The following NEXN variants were observed in gnomAD, a reference collection of about 807,000 sequenced individuals.
The protein encoded by NEXN is nexilin F-actin binding protein, also known as nexilin.
NEXN carries 65 observed loss-of-function variants against 92.6 expected under a neutral mutation model. The observed-to-expected ratio is 0.70, with a 90% CI of 0.57 to 0.86. The LOEUF is 0.86. Among genes scored for constraint, NEXN ranks in the 40% least tolerant of loss-of-function variants. The pLI is 0.00. For synonymous variants in NEXN, 254 were observed against 242.5 expected (o/e 1.05, Z -0.44); for missense variants, 778 against 771.1 (o/e 1.01, Z -0.11).
intron 11 of NEXN, among the ~76,000 whole-genome samples, chr1:77,938,080 A>C (rs373339401): frequency 1.4e-4 from 21 of 152,256 alleles, no homozygotes; most frequent in African/African-American, 3.1e-4. Flanking sequence ...CAGTAACAAT[A>C]CGGGAAACCA....
chr1:77,895,346 C>T (rs1467554624), intron 1 of NEXN, among the ~76,000 whole-genome samples: 1 of 151,780 alleles, frequency 6.6e-6, no homozygotes, highest in East Asian at 1.9e-4. Context: ...CGCCCGGTCA[C>T]CTATAGTGTA....
At chr1:77,892,410 A>C (rs1647129744) in intron 1 of NEXN, among the ~76,000 whole-genome samples, 1 of 152,210 alleles carries the variant, frequency 6.6e-6, no homozygotes, top group South Asian at 2.1e-4. Context: ...CAGGCAGGTC[A>C]CATGCTCTGC....
chr1:77,905,882 A>G (rs1648073305), intron 1 of NEXN, among the ~76,000 whole-genome samples: 2 of 152,212 alleles, frequency 1.3e-5, no homozygotes, highest in South Asian at 4.1e-4. Context: ...TGAGGGAGCC[A>G]GCTCTGCAAA....
chr1:77,920,049 C>A (rs1571119185), intron 5 of NEXN, among the ~76,000 whole-genome samples: 1 of 151,892 alleles, frequency 6.6e-6, no homozygotes, highest in African/African-American at 2.4e-5. Flanking sequence ...AAGGCACATG[C>A]CACCACTCCC....
Position 77,911,742 on chromosome 1 carries a change from TA to T in NEXN, c.-52-4312del, listed in dbSNP as rs1553235687. Among the ~76,000 whole-genome samples the T allele has an allele frequency of 1.7e-3, 19 of 10,900 alleles. No homozygotes were observed. The East Asian group carries it at 0.072, about 41-fold the overall frequency. The allele number at this position is 10,900 out of a possible 152,430, so 7.2% of individuals were successfully genotyped here. Reference sequence around the variant, plus strand: ...CCTATCCCCAAGATAGCCTGTTTTATATATATATATATATATATACACATAT... The same window carrying T: ...CCTATCCCCAAGATAGCCTGTTTTATTATATATATATATATATACACATAT... On this transcript the variant is annotated intron_variant, in intron 1 of 12. Transcript: ENST00000334785.
rs1192337156 is a variant in NEXN, at chr1:77,916,092, C to T, written c.-15C>T. 1 of 1,603,390 alleles carries T rather than the reference C, an allele frequency of 6.2e-7. No individual in the cohort carries two copies. Among genetic ancestry groups the T allele is most frequent in the Non-Finnish European group, 8.5e-7 (1 of 1,173,826 alleles). ...ACAGAGCTTCATAATCAGCCCAAGA[C>T]CACATAGAGCAAACATGAATGATAT... On this transcript the variant is annotated 5_prime_UTR_variant, in exon 2 of 13. Transcript: ENST00000334785.
intron 5 of NEXN, among the ~76,000 whole-genome samples, chr1:77,921,941 C>A (rs1468991555): frequency 2.0e-5 from 3 of 151,720 alleles, no homozygotes; most frequent in East Asian, 3.9e-4. Context: ...CCAAAAAAGT[C>A]TTTTTTTGTA....
Position 77,917,701 on chromosome 1 carries a change from C to A in NEXN, c.163C>A (p.Gln55Lys). The A allele has an allele frequency of 6.2e-7, 1 of 1,611,634 alleles. No homozygotes were observed. Among genetic ancestry groups the A allele is most frequent in the Non-Finnish European group, 8.5e-7 (1 of 1,178,592 alleles). ...RNQRRSRDEKQRRKEQYIRER... is the reference protein window; with the variant it reads ...RNQRRSRDEKKRRKEQYIRER... ...TCAAAGGAGATCTAGAGACGAAAAA[C>A]AAAGAAGAAAAGAACAATATATTAG... The change falls in exon 3 of 13, where the codon CAA becomes AAA. Residue 55 changes from glutamine (Q) to lysine (K), a missense_variant. By Grantham distance (53) the Gln-to-Lys change is moderately conservative (BLOSUM62 1). This residue lies in a region of NEXN where 236 missense variants were observed against 265.6 expected (regional missense o/e 0.89). Coordinates refer to ENST00000334785, the MANE Select transcript of NEXN (RefSeq NM_144573.4).
At chr1:77,918,294 C>T (rs753353973) in intron 5 of NEXN, 21 bp downstream of exon 5, 18 of 1,612,810 alleles carry the variant, frequency 1.1e-5, no homozygotes, top group South Asian at 5.5e-5. Context: ...AGATTAAGTT[C>T]GTATTTGTTT....
chr1:77,936,716 T>C (rs1381156464), intron 11 of NEXN, among the ~76,000 whole-genome samples: 1 of 152,232 alleles, frequency 6.6e-6, no homozygotes, highest in Non-Finnish European at 1.5e-5. Context: ...AATACTAGTT[T>C]AAATGAGATC....
At chr1:77,899,476 G>A (rs1647514081) in intron 1 of NEXN, among the ~76,000 whole-genome samples, 1 of 152,124 alleles carries the variant, frequency 6.6e-6, no homozygotes, top group Admixed American at 6.6e-5. Context: ...CATGGACACA[G>A]AAAGGGGAAC....
intron 1 of NEXN, among the ~76,000 whole-genome samples, chr1:77,900,048 T>C (rs1156791038): frequency 2.0e-5 from 3 of 152,214 alleles, no homozygotes; most frequent in Admixed American, 1.3e-4. Flanking sequence ...CTATTGCCTA[T>C]AGTATTATTA....
chr1:77,904,510 T>C (rs1647954190), intron 1 of NEXN, among the ~76,000 whole-genome samples: 1 of 152,208 alleles, frequency 6.6e-6, no homozygotes, highest in Non-Finnish European at 1.5e-5. Flanking sequence ...TCTTTCAAAC[T>C]TGCTAGTTTT....
At chr1:77,941,672 A>C (rs1482850995) in intron 11 of NEXN, 6 of 316,846 alleles carry the variant, frequency 1.9e-5, no homozygotes, top group Non-Finnish European at 3.0e-5. Context: ...GACTTACAGG[A>C]ATCAAGGGAG....
intron 1 of NEXN, among the ~76,000 whole-genome samples, chr1:77,889,805 T>C (rs1647065445): frequency 6.6e-6 from 1 of 152,244 alleles, no homozygotes; most frequent in Non-Finnish European, 1.5e-5. Flanking sequence ...CATTCATCGT[T>C]AAATTTTGTT....
At chr1:77,909,667 C>G (rs1321693407) in intron 1 of NEXN, among the ~76,000 whole-genome samples, 2 of 152,062 alleles carry the variant, frequency 1.3e-5, no homozygotes, top group Non-Finnish European at 2.9e-5. Flanking sequence ...AAGTTAGGAT[C>G]TTATTAATAA....
chr1:77,933,554 C>T lies in NEXN; in HGVS notation c.1251+75C>T, dbSNP rs1033034145. On this transcript the variant is annotated intron_variant, in intron 10 of 12. Transcript: ENST00000334785. ...TTTTACTTATATCACCTTATAATAA[C>T]TTTGTATTATTATTCACCTTTAGGA... The T allele has an allele frequency of 4.7e-6, 5 of 1,073,782 alleles. No individual in the cohort carries two copies. The African/African-American group carries it at 4.7e-5, about 10-fold the overall frequency. The allele number at this position is 1,073,782 out of a possible 1,614,324, so 66.5% of individuals were successfully genotyped here.
intron 1 of NEXN, among the ~76,000 whole-genome samples, chr1:77,911,453 A>T (rs1648568546): frequency 6.6e-6 from 1 of 151,912 alleles, no homozygotes; most frequent in African/African-American, 2.4e-5. Context: ...TTAGCCAGGC[A>T]TAGTGGCGGA....
intron 1 of NEXN, among the ~76,000 whole-genome samples, chr1:77,900,647 A>G (rs1408694329): frequency 6.6e-6 from 1 of 152,184 alleles, no homozygotes; most frequent in Admixed American, 6.5e-5. Flanking sequence ...CCTGCGGTGG[A>G]TACATATTCG....
Sources: allele counts gnomAD v4.1 joint callset (sites outside exome capture counted in the v4.1 genomes callset), GRCh38; gene constraint gnomAD v4.1.1; regional missense constraint gnomAD v4.1.1; transcripts MANE v1.5; gene names NCBI Gene and HGNC (gene_info 2026-07-23, HGNC 2026-07-21).